MIEF1: variants seen among roughly 807,000 people sequenced by gnomAD.
MIEF1 encodes mitochondrial dynamics protein MIEF1.
MIEF1 carries 14 observed loss-of-function variants against 35.1 expected under a neutral mutation model. The observed-to-expected ratio is 0.40, with a 90% confidence interval of 0.26 to 0.62. MIEF1 has a LOEUF of 0.62. Ranked by LOEUF, MIEF1 falls within the 20% of genes least tolerant of loss-of-function variation. MIEF1 has a pLI of 0.43. For synonymous variants in MIEF1, 245 were observed against 254.3 expected (o/e 0.96, Z 0.35); for missense variants, 542 against 615.4 (o/e 0.88, Z 1.26).
At position 39,504,255 on chromosome 22, in the gene MIEF1, G is replaced by C; in HGVS notation, c.-287G>C. On this transcript the variant is annotated 5_prime_UTR_variant, in exon 2 of 6. Transcript: ENST00000325301. The stretch of plus-strand genomic sequence containing the variant: ...CATGGCCCCGTGGAGCCGAGAGGCG[G>C]TGCTGAGTCTCTATCGGGCTCTGTT... 1 of 399,236 alleles carries C rather than the reference G, an allele frequency of 2.5e-6. No homozygotes were observed. The highest frequency in any genetic ancestry group is 4.4e-6 in the Non-Finnish European group (1 of 226,202). 24.7% of individuals were successfully genotyped at this position (399,236 alleles called of 1,614,324 possible). A position where few individuals can be genotyped will look rare whatever the true frequency, so the allele number is the denominator to read the frequency against.
chr22:39,511,334 A>C lies in MIEF1; in HGVS notation c.40A>C (p.Asn14His). 1 of 1,613,966 alleles carries C rather than the reference A, an allele frequency of 6.2e-7. No homozygotes were observed. Among genetic ancestry groups the C allele is most frequent in the Admixed American group, 1.7e-5 (1 of 59,958 alleles). Residue 14 changes from asparagine to histidine, a missense_variant, in exon 3 of 6, where the codon AAT (asparagine) becomes CAT (histidine). By Grantham distance (68) the Asn-to-His change is moderately conservative. Coordinates refer to ENST00000325301, the MANE Select transcript of MIEF1 (RefSeq NM_019008.6). ...TGAGCGCAAAGGCAAGAAGGATGAC[A>C]ATGGCATTGGCACGGCCATTGACTT... ...AGERKGKKDD[N>H]GIGTAIDFVL...
In MIEF1 at chr22:39,504,350, A is replaced by G; in HGVS notation, c.-192A>G. The G allele has an allele frequency of 2.5e-6, 1 of 399,080 alleles. No individual in the cohort carries two copies. Among genetic ancestry groups the G allele is most frequent in the Non-Finnish European group, 4.4e-6 (1 of 226,098 alleles). 24.7% of individuals were successfully genotyped at this position (399,080 alleles called of 1,614,324 possible). On this transcript the variant is annotated 5_prime_UTR_variant, in exon 2 of 6. Coordinates refer to ENST00000325301, the MANE Select transcript of MIEF1 (RefSeq NM_019008.6). ...TTGCCTCCATCCGCCGTGAATTCCG[A>G]AAAAATCAGAAGCTAGAGGACGCTG...
rs1227156369 is a variant in MIEF1, at chr22:39,514,267, T to C, written c.1336T>C (p.Leu446=). ...AELTPEEIDE[L]GYTLYCSLSE... The stretch of plus-strand genomic sequence containing the variant: ...GCTCACCCCTGAAGAAATAGACGAA[T>C]TAGGATACACTCTGTATTGCTCATT... Residue 446 remains leucine, a synonymous_variant, in exon 6 of 6, where the codon TTA becomes CTA. Coordinates refer to ENST00000325301, the MANE Select transcript of MIEF1 (RefSeq NM_019008.6). 3 of 1,613,964 alleles carry C rather than the reference T, an allele frequency of 1.9e-6. No homozygotes were observed. The highest frequency in any genetic ancestry group is 1.3e-5 in the African/African-American group (1 of 74,892).
At chr22:39,506,799 G>A (rs1370563900) in intron 2 of MIEF1, among the ~76,000 whole-genome samples, 1 of 152,226 alleles carries the variant, frequency 6.6e-6, no homozygotes, top group Non-Finnish European at 1.5e-5. Flanking sequence ...AATATTGGCA[G>A]AGCTGAAATT....
chr22:39,501,997 G>T (rs1014340846), upstream of MIEF1: 2 of 152,374 alleles, frequency 1.3e-5, no homozygotes, highest in African/African-American at 4.8e-5. Context: ...CAGGTACCCC[G>T]ACAGGCTAAG....
In MIEF1 at chr22:39,512,640, A is replaced by G. The variant is rs555644068; in HGVS notation, c.585+146A>G. 2.5e-5 allele frequency: 27 copies of G among 1,097,852 alleles called. No homozygotes were observed. The East Asian group carries it at 5.9e-4, about 24-fold the overall frequency. 68.0% of individuals were successfully genotyped at this position (1,097,852 alleles called of 1,614,324 possible). A position where few individuals can be genotyped will look rare whatever the true frequency, so the allele number is the denominator to read the frequency against. ...GTACCTCAGCAGCATTTGGAGATCC[A>G]TGCTTGTTATTCTTTTTTTTTTTTG... On this transcript the variant is annotated intron_variant, in intron 5 of 5. Coordinates refer to ENST00000325301, the MANE Select transcript of MIEF1 (RefSeq NM_019008.6).
At chr22:39,511,501 T>C in intron 3 of MIEF1, 63 bp downstream of exon 3, 1 of 1,465,272 alleles carries the variant, frequency 6.8e-7, no homozygotes, top group East Asian at 2.5e-5. Context: ...ATGTAATGTT[T>C]TATAGAAAGA....
intron 1 of MIEF1, chr22:39,503,651 T>C (rs1929866651): frequency 6.6e-6 from 1 of 152,276 alleles, no homozygotes; most frequent in African/African-American, 2.4e-5. Context: ...TTAGTGCTTA[T>C]GCCAACCGTA....
intron 3 of MIEF1, 90 bp downstream of exon 3, chr22:39,511,528 T>G (rs1160454093): frequency 6.9e-7 from 1 of 1,439,144 alleles, no homozygotes; most frequent in African/African-American, 1.4e-5. Context: ...CGAAGCGTTC[T>G]AGGAGGAAAT....
In MIEF1 at chr22:39,517,692, C is replaced by T. The variant is rs572760527; in HGVS notation, c.*3369C>T. On this transcript the variant is annotated 3_prime_UTR_variant, in exon 6 of 6. Coordinates refer to ENST00000325301, the MANE Select transcript of MIEF1 (RefSeq NM_019008.6). ...CTGCCCTTTTGTCTGAAACTCAAGG[C>T]CAAGGAGAATGATAGGAGACTTAGG... 281 of 463,904 alleles carry T rather than the reference C, an allele frequency of 6.1e-4. 2 individuals carry two copies. In the Middle Eastern group the frequency reaches 7.9e-3, roughly 13 times the overall value. The allele number at this position is 463,904 out of a possible 1,614,324, so 28.7% of individuals were successfully genotyped here.
rs17001209 is a variant in MIEF1, at chr22:39,511,751, A to G, written c.145-98A>G. On this transcript the variant is annotated intron_variant, in intron 3 of 5. Transcript: ENST00000325301. ...TCTAAAATAAAAACAAAATTACTAA[A>G]AGAACTTACTAGGACAGAGCTTCTG... 9.9e-4 allele frequency: 1,429 copies of G among 1,441,868 alleles called. 45 individuals carry two copies. In the East Asian group the frequency reaches 0.033, roughly 33 times the overall value. 89.3% of individuals were successfully genotyped at this position (1,441,868 alleles called of 1,614,324 possible).
At position 39,511,269 on chromosome 22, in the gene MIEF1, G is replaced by C. The variant is rs1259951609; in HGVS notation, c.-7-19G>C. 3 of 1,613,356 alleles carry C rather than the reference G, an allele frequency of 1.9e-6. No individual in the cohort carries two copies. The South Asian group carries it at 3.3e-5, about 18-fold the overall frequency. The stretch of plus-strand genomic sequence containing the variant: ...TTGGGGTCCCAGTACTTATGGCCGT[G>C]TTCTGTCTTCATTCTCAGATGAGCA... On this transcript the variant is annotated intron_variant, in intron 2 of 5. Coordinates refer to ENST00000325301, the MANE Select transcript of MIEF1 (RefSeq NM_019008.6).
upstream of MIEF1, among the ~76,000 whole-genome samples, chr22:39,501,412 A>G (rs547999912): frequency 6.6e-6 from 1 of 152,302 alleles, no homozygotes; most frequent in East Asian, 1.9e-4. Context: ...AGGCTGGGTG[A>G]GGTTAGGAAA....
intron 5 of MIEF1, among the ~76,000 whole-genome samples, 199 bp downstream of exon 5, chr22:39,512,693 C>T (rs1402601596): frequency 6.6e-6 from 1 of 152,122 alleles, no homozygotes; most frequent in Non-Finnish European, 1.5e-5. Context: ...GTCGCCCAGG[C>T]TGGAGTGCAG....
At chr22:39,511,164 A>T in intron 2 of MIEF1, 124 bp from the exon 3 acceptor site, 1 of 1,227,638 alleles carries the variant, frequency 8.1e-7, no homozygotes, top group Non-Finnish European at 1.2e-6. Context: ...GCAGTGCTGG[A>T]GGCAAGAAGA....
At chr22:39,508,746 C>G (rs1261004718) in intron 2 of MIEF1, among the ~76,000 whole-genome samples, 2 of 152,144 alleles carry the variant, frequency 1.3e-5, no homozygotes, top group Non-Finnish European at 2.9e-5. Flanking sequence ...AACCTGAAGC[C>G]TCTATTGACT....
intron 3 of MIEF1, 21 bp from the exon 4 acceptor site, chr22:39,511,828 G>T (rs750606518): frequency 6.2e-7 from 1 of 1,602,444 alleles, no homozygotes; most frequent in African/African-American, 1.3e-5. Context: ...TTTATGTCCT[G>T]TGTCCTCTCT....
At chr22:39,508,068 C>T (rs181158981) in intron 2 of MIEF1, among the ~76,000 whole-genome samples, 1 of 152,270 alleles carries the variant, frequency 6.6e-6, no homozygotes, top group African/African-American at 2.4e-5. Context: ...AGCACTTTTA[C>T]AGTTTATAGA....
chr22:39,503,708 G>A (rs1414789800), intron 1 of MIEF1: 1 of 152,334 alleles, frequency 6.6e-6, no homozygotes, highest in Non-Finnish European at 1.5e-5. Context: ...GAGGAACTGA[G>A]ACAGTCACAG....
Sources: allele counts gnomAD v4.1 joint callset (sites outside exome capture counted in the v4.1 genomes callset), GRCh38; gene constraint gnomAD v4.1.1; transcripts MANE v1.5; gene names NCBI Gene and HGNC (gene_info 2026-07-23, HGNC 2026-07-21).